The following FHIP1A variants were observed in gnomAD, a reference collection of about 807,000 sequenced individuals.
FHIP1A encodes the protein FHF complex subunit HOOK interacting protein 1A, also known as FHF complex subunit HOOK-interacting protein 1A.
FHIP1A carries 61 observed loss-of-function variants against 88.6 expected under a neutral mutation model. That is an observed-to-expected ratio of 0.69 (90% CI 0.56 to 0.85). FHIP1A has a LOEUF of 0.85. Among genes scored for constraint, FHIP1A ranks in the 40% least tolerant of loss-of-function variants. The pLI, the probability that FHIP1A is intolerant of heterozygous loss-of-function variation, is 0.00. For synonymous variants in FHIP1A, 478 were observed against 496.0 expected (o/e 0.96, Z 0.48); for missense variants, 1,154 against 1,273.5 (o/e 0.91, Z 1.43).
rs1736970036 is a variant in FHIP1A at position 151,650,198 on chromosome 4, A to G, written c.2157A>G (p.Glu719=). Residue 719 remains glutamate, a synonymous_variant, in exon 11 of 14, where the codon GAA becomes GAG. Coordinates refer to ENST00000435205, the MANE Select transcript of FHIP1A (RefSeq NM_001109977.3). ...PKEPKQEREP[E]AAPESNSELA... is the part of the protein sequence containing the mutation. Reference sequence around the variant, plus strand: ...AGCCAAAGCAAGAGAGGGAACCTGAAGCAGCCCCAGAATCCAACTCAGAGT... The same window carrying G: ...AGCCAAAGCAAGAGAGGGAACCTGAGGCAGCCCCAGAATCCAACTCAGAGT... 6.4e-7 allele frequency: 1 copy of G among 1,551,732 alleles called. No individual in the cohort carries two copies. Among genetic ancestry groups the G allele is most frequent in the East Asian group, 2.4e-5 (1 of 40,926 alleles).
chr4:151,619,422 A>G (rs909812771), intron 7 of FHIP1A, among the ~76,000 whole-genome samples: 2 of 152,252 alleles, frequency 1.3e-5, no homozygotes, highest in African/African-American at 2.4e-5. Context: ...CATGAAGTCA[A>G]TTTGGTAGGT....
At chr4:151,520,149 GA>G (rs1731401054) in intron 3 of FHIP1A, among the ~76,000 whole-genome samples, 1 of 152,092 alleles carries the variant, frequency 6.6e-6, no homozygotes, top group African/African-American at 2.4e-5. Context: ...CACATGTCAA[GA>G]TGATATTCTC....
At chr4:151,551,193 G>A (rs1287403755) in intron 3 of FHIP1A, among the ~76,000 whole-genome samples, 1 of 152,148 alleles carries the variant, frequency 6.6e-6, no homozygotes, top group African/African-American at 2.4e-5. Flanking sequence ...GGTAGGGGAA[G>A]TGGACAAAAG....
intron 2 of FHIP1A, among the ~76,000 whole-genome samples, chr4:151,478,784 A>G (rs564994009): frequency 6.6e-6 from 1 of 152,268 alleles, no homozygotes; most frequent in East Asian, 1.9e-4. Context: ...ACTACTTAAA[A>G]AAAACACCTT....
At chr4:151,481,879 G>A (rs899528746) in intron 2 of FHIP1A, among the ~76,000 whole-genome samples, 33 of 152,056 alleles carry the variant, frequency 2.2e-4, no homozygotes, top group African/African-American at 8.0e-4. Flanking sequence ...TCCCAGGTAG[G>A]ATAATTTCCT....
intron 3 of FHIP1A, among the ~76,000 whole-genome samples, chr4:151,558,333 C>T (rs558945872): frequency 2.0e-5 from 3 of 152,048 alleles, no homozygotes; most frequent in African/African-American, 7.2e-5. Flanking sequence ...CTTAGGAGTT[C>T]GAGACCAGCT....
chr4:151,607,982 GC>G (rs1243158551), intron 7 of FHIP1A, among the ~76,000 whole-genome samples: 1 of 147,862 alleles, frequency 6.8e-6, no homozygotes, highest in East Asian at 2.0e-4. Context: ...TTATTTCACA[GC>G]CAGCATCACT....
chr4:151,578,277 T>C (rs1426372439), intron 5 of FHIP1A, among the ~76,000 whole-genome samples: 1 of 152,202 alleles, frequency 6.6e-6, no homozygotes, highest in East Asian at 1.9e-4. Context: ...CATCAGCTCA[T>C]CATAAGCCAA....
Position 151,649,950 on chromosome 4 carries a change from GA to G in FHIP1A, c.1910del (p.Asp637AlafsTer6), listed in dbSNP as rs759403974. ...CAAAGGGTCCTACATAGAAGAGTCG[GA>G]CTTTCAGGATGATGTGATGGTGTAC... ...LFKGSYIEES[D>X]FQDDVMVYRL... On this transcript the variant is annotated frameshift_variant, in exon 11 of 14. Coordinates refer to ENST00000435205, the MANE Select transcript of FHIP1A (RefSeq NM_001109977.3). LOFTEE classifies it high-confidence loss of function. 4.0e-5 allele frequency: 62 copies of G among 1,551,462 alleles called. No homozygotes were observed. The highest frequency in any genetic ancestry group is 1.4e-5 in the African/African-American group (1 of 72,992).
At chr4:151,583,069 A>T (rs1694450938) in intron 5 of FHIP1A, among the ~76,000 whole-genome samples, 1 of 152,024 alleles carries the variant, frequency 6.6e-6, no homozygotes, top group African/African-American at 2.4e-5. Context: ...TCCTGGTCCA[A>T]CTTGTTCACT....
chr4:151,625,852 A>T (rs962493416), intron 7 of FHIP1A, among the ~76,000 whole-genome samples: 1 of 152,222 alleles, frequency 6.6e-6, no homozygotes, highest in African/African-American at 2.4e-5. Flanking sequence ...TTCAGTTGCC[A>T]TCCTGTTCAG....
chr4:151,612,843 A>G (rs1735378185), intron 7 of FHIP1A, among the ~76,000 whole-genome samples: 1 of 152,236 alleles, frequency 6.6e-6, no homozygotes, highest in African/African-American at 2.4e-5. Flanking sequence ...ATGAATCTGC[A>G]CATTCTCACA....
intron 8 of FHIP1A, among the ~76,000 whole-genome samples, chr4:151,636,689 T>C (rs1234162070): frequency 6.6e-6 from 1 of 151,996 alleles, no homozygotes; most frequent in Non-Finnish European, 1.5e-5. Flanking sequence ...AAGACCTAAA[T>C]AAAAGGGAAA....
intron 7 of FHIP1A, among the ~76,000 whole-genome samples, chr4:151,614,088 A>G (rs1735424585): frequency 6.6e-6 from 1 of 151,356 alleles, no homozygotes; most frequent in Non-Finnish European, 1.5e-5. Flanking sequence ...ACTTGAACGT[A>G]GGAGGTGGAG....
At chr4:151,503,163 A>T (rs1389341646) in intron 3 of FHIP1A, among the ~76,000 whole-genome samples, 1 of 152,140 alleles carries the variant, frequency 6.6e-6, no homozygotes, top group Non-Finnish European at 1.5e-5. Flanking sequence ...AGGTTAGGGG[A>T]AGAAGTACTC....
At chr4:151,652,554 G>A (rs1346414513) in intron 11 of FHIP1A, among the ~76,000 whole-genome samples, 1 of 152,138 alleles carries the variant, frequency 6.6e-6, no homozygotes, top group African/African-American at 2.4e-5. Context: ...TAGGAAATAA[G>A]GACACAACAT....
At chr4:151,554,054 C>A (rs1732848929) in intron 3 of FHIP1A, among the ~76,000 whole-genome samples, 1 of 152,172 alleles carries the variant, frequency 6.6e-6, no homozygotes, top group Non-Finnish European at 1.5e-5. Context: ...TGACTCTTGG[C>A]TCCCATCCAG....
At chr4:151,429,616 A>G (rs1733516784) in intron 1 of FHIP1A, among the ~76,000 whole-genome samples, 12 of 152,184 alleles carry the variant, frequency 7.9e-5, no homozygotes. Context: ...TGGGAGGCCA[A>G]GGTGGGTGGA....
At chr4:151,629,558 A>C in intron 7 of FHIP1A, 144 bp from the exon 8 acceptor site, 1 of 629,500 alleles carries the variant, frequency 1.6e-6, no homozygotes, top group Non-Finnish European at 2.7e-6. Flanking sequence ...TATGGGCTTC[A>C]ATAAAGCTCT....
Sources: allele counts gnomAD v4.1 joint callset (sites outside exome capture counted in the v4.1 genomes callset), GRCh38; gene constraint gnomAD v4.1.1; transcripts MANE v1.5; gene names NCBI Gene and HGNC (gene_info 2026-07-23, HGNC 2026-07-21).